The following SYNE1 variants were observed in gnomAD, a reference collection of about 807,000 sequenced individuals.
The protein encoded by SYNE1 is spectrin repeat containing nuclear envelope protein 1.
A neutral mutation model predicts 1,111.0 loss-of-function variants in SYNE1; 616 were observed. The ratio of observed to expected loss-of-function variants is 0.55; its 90% CI spans 0.52 to 0.59. SYNE1 has a LOEUF of 0.59. Ranked by LOEUF, SYNE1 falls within the 20% of genes least tolerant of loss-of-function variation. SYNE1 has a pLI of 0.00. For missense variants in SYNE1, 10,006 were observed against 10,417.0 expected, an observed-to-expected ratio of 0.96 and a Z score of 1.72; for synonymous variants, 3,855 against 3,825.8, an observed-to-expected ratio of 1.01 and a Z score of -0.28.
In SYNE1 at chr6:152,367,287, G is replaced by T. The variant is rs767709050; in HGVS notation, c.9903C>A (p.His3301Gln). 2.5e-6 allele frequency: 4 copies of T among 1,614,232 alleles called. No homozygotes were observed. The South Asian group carries it at 4.4e-5, about 18-fold the overall frequency. The part of the protein sequence containing the change: ...ELQDWMTDAI[H>Q]MLDSYCHPTS... ...TCGGGTGGCAGTATGAATCCAGCAT[G>T]TGAATCGCATCCGTCATCCAGTCTT... Residue 3301 changes from histidine (H) to glutamine (Q), a missense_variant, in exon 62 of 146, where the codon CAC (histidine) becomes CAA (glutamine). Physicochemically the swap from His to Gln is conservative, Grantham distance 24. Transcript: ENST00000367255.
At chr6:152,351,687 AG>A (rs2096743287) in intron 70 of SYNE1, among the ~76,000 whole-genome samples, 1 of 152,220 alleles carries the variant, frequency 6.6e-6, no homozygotes, top group Admixed American at 6.5e-5. Flanking sequence ...AATATGGGAA[AG>A]ATATGGGATC....
At chr6:152,363,614 G>A (rs187110113) in intron 63 of SYNE1, 119 of 255,554 alleles carry the variant, frequency 4.7e-4, no homozygotes, top group African/African-American at 2.6e-3. Flanking sequence ...TTTTGTAGCA[G>A]ACACTGTAAG....
chr6:152,233,672 T>C (rs2083313120), intron 112 of SYNE1, 109 bp downstream of exon 112: 3 of 1,346,394 alleles, frequency 2.2e-6, no homozygotes, highest in Admixed American at 1.9e-5. Flanking sequence ...AGAGGCCAGG[T>C]GTCTGGGACA....
intron 34 of SYNE1, 168 bp downstream of exon 34, chr6:152,433,627 C>A: frequency 4.3e-6 from 3 of 700,496 alleles, no homozygotes; most frequent in Admixed American, 2.7e-5. Context: ...TAAATGTTGC[C>A]CAGTATTAAT....
intron 72 of SYNE1, among the ~76,000 whole-genome samples, chr6:152,348,398 G>A (rs930220238): frequency 1.3e-5 from 2 of 152,114 alleles, no homozygotes; most frequent in African/African-American, 2.4e-5. Flanking sequence ...TAAAAATCAC[G>A]TTCTGGCCAG....
At chr6:152,125,303 C>T (rs541696196) in intron 145 of SYNE1, 1 of 1,550,416 alleles carries the variant, frequency 6.4e-7, no homozygotes, top group South Asian at 1.2e-5. Flanking sequence ...GAATCCTGAA[C>T]TTGCATCCTA....
Position 152,509,721 on chromosome 6 carries a change from A to G in SYNE1, c.581+472T>C, listed in dbSNP as rs533592690. ...TAAAAAATGAGACCAAAGGGAAAAA[A>G]TTTAAAAACTAAAATTGCTAGAAAG... On this transcript the variant is annotated intron_variant, in intron 8 of 145. Transcript: ENST00000367255. Among the ~76,000 whole-genome samples the G allele has an allele frequency of 5.9e-5, 9 of 152,284 alleles. No individual in the cohort carries two copies. The South Asian group carries it at 1.9e-3, about 32-fold the overall frequency.
intron 14 of SYNE1, among the ~76,000 whole-genome samples, chr6:152,475,651 A>C (rs2098830698): frequency 6.6e-6 from 1 of 152,210 alleles, no homozygotes; most frequent in Non-Finnish European, 1.5e-5. Flanking sequence ...AAATATATAA[A>C]GGAAAAACTG....
chr6:152,392,556 T>C (rs1353785569), intron 51 of SYNE1, among the ~76,000 whole-genome samples: 1 of 152,230 alleles, frequency 6.6e-6, no homozygotes, highest in Non-Finnish European at 1.5e-5. Context: ...GGAAACTGAA[T>C]GTTTCAAATT....
At chr6:152,178,478 G>T (rs1362385686) in intron 129 of SYNE1, among the ~76,000 whole-genome samples, 1 of 152,112 alleles carries the variant, frequency 6.6e-6, no homozygotes, top group Admixed American at 6.6e-5. Flanking sequence ...TTTATCCAAT[G>T]GATAAGCAAA....
chr6:152,551,339 G>C (rs2099345826), intron 3 of SYNE1, among the ~76,000 whole-genome samples: 1 of 152,130 alleles, frequency 6.6e-6, no homozygotes, highest in Admixed American at 6.6e-5. Flanking sequence ...TGGAATGAAG[G>C]CTGAAGAGTT....
At chr6:152,574,918 T>C (rs758564463) in intron 3 of SYNE1, among the ~76,000 whole-genome samples, 1 of 152,230 alleles carries the variant, frequency 6.6e-6, no homozygotes, top group Non-Finnish European at 1.5e-5. Context: ...TGTTTTTAAT[T>C]TTGTTTGCTT....
chr6:152,334,945 G>A (rs1049590590), intron 76 of SYNE1, among the ~76,000 whole-genome samples: 2 of 152,176 alleles, frequency 1.3e-5, no homozygotes, highest in African/African-American at 4.8e-5. Context: ...GTCACCAGGT[G>A]GGCAGTGGTG....
chr6:152,555,134 T>C (rs1044707809), intron 3 of SYNE1, among the ~76,000 whole-genome samples: 1 of 152,214 alleles, frequency 6.6e-6, no homozygotes, highest in Non-Finnish European at 1.5e-5. Flanking sequence ...AGACTCTTGA[T>C]TTTAAAATAA....
At chr6:152,257,526 G>A (rs994208340) in intron 101 of SYNE1, among the ~76,000 whole-genome samples, 1 of 152,114 alleles carries the variant, frequency 6.6e-6, no homozygotes. Flanking sequence ...GCAAGACCCT[G>A]TTTCAAAACA....
At chr6:152,215,206 T>G (rs879517132) in intron 121 of SYNE1, 146 bp from the exon 122 acceptor site, 35 of 888,916 alleles carry the variant, frequency 3.9e-5, no homozygotes, top group Non-Finnish European at 5.5e-5. Flanking sequence ...ACTTACAATC[T>G]CTAGGTACGA....
chr6:152,536,377 AAT>A (rs201058313), intron 4 of SYNE1, among the ~76,000 whole-genome samples: 3,091 of 83,052 alleles, frequency 0.037, 145 homozygotes, highest in African/African-American at 0.1. Context: ...TATATATAGT[AAT>A]ATATATATAT....
At chr6:152,485,429 A>G (rs1366474341) in intron 12 of SYNE1, among the ~76,000 whole-genome samples, 1 of 152,232 alleles carries the variant, frequency 6.6e-6, no homozygotes, top group East Asian at 1.9e-4. Context: ...AATTGCATAT[A>G]TCAAAATAAT....
intron 129 of SYNE1, among the ~76,000 whole-genome samples, chr6:152,178,961 T>C (rs931937960): frequency 6.8e-6 from 1 of 146,862 alleles, no homozygotes; most frequent in African/African-American, 2.6e-5. Context: ...TCACCCAGGC[T>C]GGAGTGCAGT....
Sources: allele counts gnomAD v4.1 joint callset (sites outside exome capture counted in the v4.1 genomes callset), GRCh38; gene constraint gnomAD v4.1.1; transcripts MANE v1.5; gene names NCBI Gene and HGNC (gene_info 2026-07-23, HGNC 2026-07-21).